Variants in SLC27A2 observed in about 807,000 individuals in gnomAD.
SLC27A2 encodes the protein solute carrier family 27 member 2, also known as long-chain fatty acid transport protein 2.
A neutral mutation model predicts 60.0 loss-of-function variants in SLC27A2; 54 were observed. The observed-to-expected ratio is 0.90, with a 90% CI of 0.72 to 1.13. SLC27A2 has a LOEUF of 1.13. Ranked by LOEUF, SLC27A2 falls within the 50% of genes most tolerant of loss-of-function variation. The pLI is 0.00. For missense variants in SLC27A2, 739 were observed against 777.6 expected (o/e 0.95, Z 0.59); for synonymous variants, 297 against 297.6 (o/e 1.00, Z 0.02).
Position 50,233,880 on chromosome 15 carries a change from G to T in SLC27A2, c.1568G>T (p.Arg523Leu). The change falls in exon 9 of 10, where the codon CGC becomes CTC. Residue 523 changes from arginine to leucine, a missense_variant. Coordinates refer to ENST00000267842, the MANE Select transcript of SLC27A2 (RefSeq NM_003645.4). ...YGVHVPDHEG[R>L]IGMASIKMKE... The stretch of plus-strand genomic sequence containing the variant: ...ACTTTATTTCTAGATCATGAGGGTC[G>T]CATTGGCATGGCCTCCATCAAAATG... The T allele has an allele frequency of 6.2e-7, 1 of 1,611,894 alleles. No individual in the cohort carries two copies. The highest frequency in any genetic ancestry group is 1.1e-5 in the South Asian group (1 of 90,882).
intron 1 of SLC27A2, among the ~76,000 whole-genome samples, chr15:50,188,321 A>G (rs1036831198): frequency 6.6e-6 from 1 of 152,186 alleles, no homozygotes; most frequent in Non-Finnish European, 1.5e-5. Flanking sequence ...GGATATTGCG[A>G]TGTAAGAACA....
At position 50,205,145 on chromosome 15, in the gene SLC27A2, T is replaced by G; in HGVS notation, c.848-94T>G. On this transcript the variant is annotated intron_variant, in intron 3 of 9. Coordinates refer to ENST00000267842, the MANE Select transcript of SLC27A2 (RefSeq NM_003645.4). ...CTTGTTTGCAAATATAATTTATTTT[T>G]AAATTTCTACCGTTCAAAGTTGACA... is the stretch of plus-strand genomic sequence containing the variant. 7 of 1,421,816 alleles carry G rather than the reference T, an allele frequency of 4.9e-6. No homozygotes were observed. In the South Asian group the frequency reaches 1.0e-4, roughly 20 times the overall value. 88.1% of individuals were successfully genotyped at this position (1,421,816 alleles called of 1,614,324 possible). A position where few individuals can be genotyped will look rare whatever the true frequency, so the allele number is the denominator to read the frequency against.
intron 1 of SLC27A2, among the ~76,000 whole-genome samples, chr15:50,191,819 G>A (rs1003482816): frequency 1.1e-4 from 16 of 152,172 alleles, no homozygotes; most frequent in African/African-American, 3.6e-4. Flanking sequence ...CAACACTTTG[G>A]GAGGCCAAGG....
At chr15:50,214,734 T>G (rs1010092820) in intron 4 of SLC27A2, among the ~76,000 whole-genome samples, 2 of 152,108 alleles carry the variant, frequency 1.3e-5, no homozygotes, top group East Asian at 3.8e-4. Flanking sequence ...TCTCAATAGG[T>G]GCAGAAAAAG....
intron 8 of SLC27A2, among the ~76,000 whole-genome samples, chr15:50,231,696 A>G (rs941279229): frequency 2.0e-5 from 3 of 152,168 alleles, no homozygotes; most frequent in African/African-American, 4.8e-5. Context: ...TCTAATGATC[A>G]GTGAGTTCTG....
intron 4 of SLC27A2, among the ~76,000 whole-genome samples, chr15:50,216,610 G>GTGTATATATA (rs1323910367): frequency 2.0e-4 from 13 of 66,488 alleles, no homozygotes; most frequent in Non-Finnish European, 3.0e-4. Context: ...GTGTGTGTGT[G>GTGTATATATA]TATATATATA....
At chr15:50,230,662 T>C (rs1260122475) in intron 8 of SLC27A2, among the ~76,000 whole-genome samples, 1 of 151,926 alleles carries the variant, frequency 6.6e-6, no homozygotes, top group East Asian at 1.9e-4. Context: ...TGGAAGGGGG[T>C]GTGAATACTC....
At chr15:50,187,842 T>A (rs2044937548) in intron 1 of SLC27A2, among the ~76,000 whole-genome samples, 1 of 152,062 alleles carries the variant, frequency 6.6e-6, no homozygotes, top group Admixed American at 6.6e-5. Flanking sequence ...AGAACTTCAT[T>A]ACAAAACAAG....
rs191391977 is a variant in SLC27A2, at chr15:50,202,758, T to C, written c.847+113T>C. ...GTCTGCTAGGAACAGTTTTCAATTT[T>C]GCATTAACAATAAGGCAATTTGAAT... On this transcript the variant is annotated intron_variant, in intron 3 of 9. Transcript: ENST00000267842. The C allele has an allele frequency of 8.5e-5, 91 of 1,068,794 alleles. No individual in the cohort carries two copies. In the African/African-American group the frequency reaches 1.4e-3, roughly 16 times the overall value. The allele number at this position is 1,068,794 out of a possible 1,614,324, so 66.2% of individuals were successfully genotyped here.
chr15:50,203,022 T>A (rs3076950), intron 3 of SLC27A2, among the ~76,000 whole-genome samples: 108,034 of 133,792 alleles, frequency 0.81, 42,575 homozygotes, highest in South Asian at 0.89. Context: ...CTAAAAAAAA[T>A]ATATATATAT....
intron 1 of SLC27A2, among the ~76,000 whole-genome samples, chr15:50,195,316 A>C (rs898366267): frequency 4.0e-5 from 5 of 125,088 alleles, no homozygotes; most frequent in African/African-American, 1.3e-4. Context: ...AATATGAAAA[A>C]AAAAAAAAAA....
At chr15:50,210,520 C>T (rs2045146467) in intron 4 of SLC27A2, among the ~76,000 whole-genome samples, 1 of 152,314 alleles carries the variant, frequency 6.6e-6, no homozygotes, top group Middle Eastern at 3.4e-3. Context: ...CCATTCCCGC[C>T]TGGCACCACA....
Position 50,233,962 on chromosome 15 carries a change from A to G in SLC27A2, c.1650A>G (p.Leu550=). Residue 550 remains leucine, a synonymous_variant, in exon 9 of 10, where the codon CTA becomes CTG. Transcript: ENST00000267842. ...TCTTTCAGCACATTGCTGATTACCT[A>G]CCTAGTTATGCAAGGCCCCGGTTTC... is the stretch of plus-strand genomic sequence containing the variant. ...KKLFQHIADY[L]PSYARPRFLR... 4 of 1,613,170 alleles carry G rather than the reference A, an allele frequency of 2.5e-6. No individual in the cohort carries two copies. Among genetic ancestry groups the G allele is most frequent in the Non-Finnish European group, 2.5e-6 (3 of 1,179,514 alleles).
At chr15:50,196,757 T>G (rs1237587952) in intron 1 of SLC27A2, among the ~76,000 whole-genome samples, 1 of 152,236 alleles carries the variant, frequency 6.6e-6, no homozygotes, top group Admixed American at 6.5e-5. Flanking sequence ...ACTCCTTTTT[T>G]TTCCCTCAGA....
intron 1 of SLC27A2, among the ~76,000 whole-genome samples, chr15:50,183,545 C>A (rs1159159376): frequency 6.6e-6 from 1 of 152,218 alleles, no homozygotes; most frequent in Admixed American, 6.5e-5. Flanking sequence ...TGAGCCCCCA[C>A]TGCATCTATC....
chr15:50,225,904 C>T (rs1245455807), intron 5 of SLC27A2, 84 bp from the exon 6 acceptor site: 3 of 925,228 alleles, frequency 3.2e-6, no homozygotes, highest in African/African-American at 1.7e-5. Flanking sequence ...ACCTGTACGC[C>T]TAAGATATAC....
At chr15:50,187,914 T>C (rs2044938178) in intron 1 of SLC27A2, among the ~76,000 whole-genome samples, 1 of 147,364 alleles carries the variant, frequency 6.8e-6, no homozygotes, top group East Asian at 2.0e-4. Flanking sequence ...GAAAAACTGA[T>C]GGTACAACAA....
At chr15:50,196,066 A>AT (rs1567428302) in intron 1 of SLC27A2, among the ~76,000 whole-genome samples, 4 of 23,772 alleles carry the variant, frequency 1.7e-4, no homozygotes, top group Non-Finnish European at 3.6e-4. Context: ...AAAAAAAAAA[A>AT]AAAAAAAAAA....
chr15:50,224,634 C>G (rs1269160752), intron 5 of SLC27A2, among the ~76,000 whole-genome samples: 3 of 152,202 alleles, frequency 2.0e-5, no homozygotes, highest in Non-Finnish European at 2.9e-5. Flanking sequence ...CTACGCTACA[C>G]AAGTCCCTCC....
Sources: allele counts gnomAD v4.1 joint callset (sites outside exome capture counted in the v4.1 genomes callset), GRCh38; gene constraint gnomAD v4.1.1; transcripts MANE v1.5; gene names NCBI Gene and HGNC (gene_info 2026-07-23, HGNC 2026-07-21).